UBAC2: variants seen among roughly 807,000 people sequenced by gnomAD.
UBAC2 encodes UBA domain containing 2.
In UBAC2, 26 loss-of-function variants were observed where a neutral mutation model predicts 44.0. That is an observed-to-expected ratio of 0.59 (90% CI 0.43 to 0.82). The LOEUF (loss-of-function observed/expected upper bound fraction) is 0.82. UBAC2 is among the 40% of genes least tolerant of loss of function. The pLI, the probability that UBAC2 is intolerant of heterozygous loss-of-function variation, is 0.00. For synonymous variants in UBAC2, 155 were observed against 154.3 expected (o/e 1.00, Z -0.04); for missense variants, 329 against 419.4 (o/e 0.78, Z 1.88).
chr13:99,302,053 A>G (rs955457329), intron 4 of UBAC2, among the ~76,000 whole-genome samples: 4 of 152,198 alleles, frequency 2.6e-5, no homozygotes, highest in Non-Finnish European at 5.9e-5. Context: ...CTGTAGGTCA[A>G]GTCTTCTCTA....
chr13:99,227,218 A>C (rs117451628), intron 1 of UBAC2, among the ~76,000 whole-genome samples: 4,644 of 152,026 alleles, frequency 0.031, 92 homozygotes, highest in Middle Eastern at 0.13. Flanking sequence ...AAAACAACAA[A>C]AAAAGACGGC....
intron 7 of UBAC2, among the ~76,000 whole-genome samples, chr13:99,361,135 A>G (rs867222331): frequency 2.0e-5 from 3 of 152,222 alleles, no homozygotes; most frequent in Non-Finnish European, 4.4e-5. Context: ...GTATGAATAT[A>G]TATTTATTCA....
chr13:99,268,611 CAAAAAAAAAAA>C (rs756827927), intron 4 of UBAC2, among the ~76,000 whole-genome samples: 2 of 75,736 alleles, frequency 2.6e-5, no homozygotes, highest in South Asian at 5.9e-4. Flanking sequence ...GACTCTGTCT[CAAAAAAAAAAA>C]AAAAAAAAAA....
chr13:99,282,874 T>G (rs2043972065), intron 4 of UBAC2, among the ~76,000 whole-genome samples: 1 of 152,190 alleles, frequency 6.6e-6, no homozygotes. Flanking sequence ...TAGGGTTGGA[T>G]TTTTTGGTAT....
intron 6 of UBAC2, among the ~76,000 whole-genome samples, chr13:99,332,759 T>C (rs1247561319): frequency 6.6e-6 from 1 of 152,234 alleles, no homozygotes; most frequent in Non-Finnish European, 1.5e-5. Flanking sequence ...ACTGCGCCAC[T>C]GCTGCCTTCT....
chr13:99,362,454 T>G (rs191277883), intron 7 of UBAC2, among the ~76,000 whole-genome samples: 1 of 152,356 alleles, frequency 6.6e-6, no homozygotes, highest in East Asian at 1.9e-4. Context: ...CCAAAAGGGT[T>G]GTGTCAGTTT....
chr13:99,254,943 C>T, intron 4 of UBAC2: 1 of 1,614,058 alleles, frequency 6.2e-7, no homozygotes, highest in South Asian at 1.1e-5. Flanking sequence ...TTTTTCTGCG[C>T]ATGCTTCGAA....
intron 4 of UBAC2, among the ~76,000 whole-genome samples, chr13:99,282,226 G>C (rs1369329240): frequency 2.2e-5 from 1 of 45,826 alleles, no homozygotes; most frequent in East Asian, 3.3e-4. Flanking sequence ...AATGACACTT[G>C]GGGGGCAAAA....
intron 1 of UBAC2, among the ~76,000 whole-genome samples, chr13:99,235,618 A>T (rs941693959): frequency 1.3e-5 from 2 of 152,204 alleles, no homozygotes; most frequent in Non-Finnish European, 2.9e-5. Flanking sequence ...ATACAAATCC[A>T]TGCATTTGCA....
intron 7 of UBAC2, among the ~76,000 whole-genome samples, chr13:99,367,566 ACTTT>A: frequency 6.6e-6 from 1 of 152,284 alleles, no homozygotes; most frequent in East Asian, 1.9e-4. Flanking sequence ...ACTGCCTATT[ACTTT>A]CTTTTCTCCT....
At chr13:99,262,148 T>C (rs1490456802) in intron 4 of UBAC2, among the ~76,000 whole-genome samples, 1 of 152,232 alleles carries the variant, frequency 6.6e-6, no homozygotes, top group African/African-American at 2.4e-5. Flanking sequence ...GTGATCAGGT[T>C]TACTGTCACA....
rs149751935 is a variant in UBAC2, at chr13:99,337,448, C to G, written c.562-2872C>G. ...TTTGCTAACAGTTTATTTTTTCTTT[C>G]TAAACAGTCTGTATTTTATCCCTGG... On this transcript the variant is annotated intron_variant, in intron 6 of 8. Coordinates refer to ENST00000403766, the MANE Select transcript of UBAC2 (RefSeq NM_001144072.2). Among the ~76,000 whole-genome samples the G allele has an allele frequency of 9.2e-5, 14 of 151,588 alleles. No homozygotes were observed. In the East Asian group the frequency reaches 2.7e-3, roughly 29 times the overall value.
intron 5 of UBAC2, among the ~76,000 whole-genome samples, chr13:99,316,053 C>T (rs890066826): frequency 5.9e-5 from 9 of 151,318 alleles, no homozygotes; most frequent in South Asian, 2.1e-4. Context: ...TTAGCCCTGC[C>T]GAAAGCAGAA....
In UBAC2 at chr13:99,265,012, A is replaced by G. The variant is rs370514601; in HGVS notation, c.389+20388A>G. 1.3e-3 allele frequency among the ~76,000 whole-genome samples: 166 copies of G among 128,860 alleles called. 1 individual carries two copies. Among genetic ancestry groups the G allele is most frequent in the Non-Finnish European group, 2.4e-3 (144 of 59,736 alleles). The allele number at this position is 128,860 out of a possible 152,430, so 84.5% of individuals were successfully genotyped here. A position where few individuals can be genotyped will look rare whatever the true frequency, so the allele number is the denominator to read the frequency against. On this transcript the variant is annotated intron_variant, in intron 4 of 8. Coordinates refer to ENST00000403766, the MANE Select transcript of UBAC2 (RefSeq NM_001144072.2). Reference sequence around the variant, plus strand: ...TTGTTCTTCAGTGTGTATGTTTTTTACCATATTTTAAATTTATTTTTAAGT... The same window carrying G: ...TTGTTCTTCAGTGTGTATGTTTTTTGCCATATTTTAAATTTATTTTTAAGT...
At chr13:99,366,216 A>G (rs2045328589) in intron 7 of UBAC2, among the ~76,000 whole-genome samples, 1 of 151,798 alleles carries the variant, frequency 6.6e-6, no homozygotes, top group Non-Finnish European at 1.5e-5. Flanking sequence ...GTGACGTCCT[A>G]GTCTTTTTGA....
chr13:99,332,071 G>A (rs964062831), intron 6 of UBAC2, among the ~76,000 whole-genome samples: 1 of 152,110 alleles, frequency 6.6e-6, no homozygotes, highest in Non-Finnish European at 1.5e-5. Flanking sequence ...CCCTGGGAAA[G>A]CAGCCCCTAG....
intron 4 of UBAC2, among the ~76,000 whole-genome samples, chr13:99,273,480 G>A (rs901293438): frequency 3.3e-5 from 5 of 152,060 alleles, no homozygotes; most frequent in Non-Finnish European, 7.4e-5. Context: ...GAGAGTAAGC[G>A]GTTTCTTTAT....
chr13:99,319,015 T>A (rs1019671527), intron 6 of UBAC2, among the ~76,000 whole-genome samples: 2 of 151,946 alleles, frequency 1.3e-5, no homozygotes, highest in African/African-American at 4.8e-5. Context: ...CTGCTCATTT[T>A]GTAAAAAGAC....
intron 4 of UBAC2, 54 bp downstream of exon 4, chr13:99,244,678 A>G: frequency 9.3e-7 from 1 of 1,070,218 alleles, no homozygotes; most frequent in Non-Finnish European, 1.4e-6. Context: ...TCTGATTTAA[A>G]GTGTTATTAT....
Sources: allele counts gnomAD v4.1 joint callset (sites outside exome capture counted in the v4.1 genomes callset), GRCh38; gene constraint gnomAD v4.1.1; transcripts MANE v1.5; gene names NCBI Gene and HGNC (gene_info 2026-07-23, HGNC 2026-07-21).